The following HAS2 variants were observed in gnomAD, a reference collection of about 807,000 sequenced individuals.
HAS2 encodes hyaluronan synthase 2.
Under a neutral mutation model 51.6 loss-of-function variants are expected in HAS2, and 16 were observed. The ratio of observed to expected loss-of-function variants is 0.31; its 90% confidence interval spans 0.21 to 0.47. HAS2 has a LOEUF of 0.47. HAS2 is among the 20% of genes least tolerant of loss of function. The pLI is 1.00. For missense variants in HAS2, 361 were observed against 662.6 expected (o/e 0.54, Z 5.00); for synonymous variants, 228 against 235.5 (o/e 0.97, Z 0.29).
In HAS2 at chr8:121,614,943, C is replaced by T. The variant is rs752416628; in HGVS notation, c.825G>A (p.Gly275=). The T allele has an allele frequency of 8.1e-6, 13 of 1,613,770 alleles. No individual in the cohort carries two copies. Among genetic ancestry groups the T allele is most frequent in the South Asian group, 1.1e-5 (1 of 91,086 alleles). ...GAGGTCCACTAATGCACTGAACACA[C>T]CCAAAATAAGACTGACAGGCCCTTT... ...NIERACQSYF[G]CVQCISGPLG... The change falls in exon 4 of 4, where the codon GGG becomes GGA. Residue 275 remains glycine, a synonymous_variant. Transcript: ENST00000303924. This position sits in a 1 kb window ranked among gnomAD's most constrained non-coding sequence, Gnocchi z 7.2.
intron 2 of HAS2, among the ~76,000 whole-genome samples, chr8:121,618,412 C>T (rs955558381): frequency 2.0e-5 from 3 of 152,012 alleles, no homozygotes; most frequent in South Asian, 2.1e-4. Context: ...TCCCAAAAGC[C>T]GGGCAGAAAG....
intron 1 of HAS2, among the ~76,000 whole-genome samples, chr8:121,638,124 A>C (rs1246732738): frequency 2.0e-5 from 3 of 152,240 alleles, no homozygotes; most frequent in African/African-American, 7.2e-5. Flanking sequence ...AGTGTTTAAA[A>C]ATTCAAGAAA....
intron 1 of HAS2, among the ~76,000 whole-genome samples, chr8:121,632,763 T>TCA: frequency 1.0e-5 from 1 of 99,576 alleles, no homozygotes; most frequent in African/African-American, 3.5e-5. Flanking sequence ...ATCATCATCA[T>TCA]TATTATAATG....
chr8:121,623,725 T>C (rs779059911), intron 2 of HAS2, among the ~76,000 whole-genome samples: 2 of 152,190 alleles, frequency 1.3e-5, no homozygotes, highest in African/African-American at 2.4e-5. Flanking sequence ...GCCAGGACCA[T>C]AGCAGGTAAA....
At chr8:121,625,464 A>G (rs2130441867) in intron 2 of HAS2, among the ~76,000 whole-genome samples, 2 of 151,890 alleles carry the variant, frequency 1.3e-5, no homozygotes, top group Middle Eastern at 3.4e-3. Context: ...AAATACATTG[A>G]TTCTGAATTT....
chr8:121,621,231 T>C (rs1284600832), intron 2 of HAS2, among the ~76,000 whole-genome samples: 1 of 152,202 alleles, frequency 6.6e-6, no homozygotes, highest in Non-Finnish European at 1.5e-5. Context: ...TTTAGTAGAT[T>C]TTGCAAAAGC....
rs1032754526 is a variant in HAS2, at chr8:121,613,143, G to A, written c.*966C>T. On this transcript the variant is annotated 3_prime_UTR_variant, in exon 4 of 4. Transcript: ENST00000303924. ...AAGATTATTCATCTTTGATACCCAT[G>A]TTTTGTCCAGTGCTGGATGCCTACT... 1.3e-5 allele frequency: 2 copies of A among 152,026 alleles called. No individual in the cohort carries two copies. The highest frequency in any genetic ancestry group is 4.8e-5 in the African/African-American group (2 of 41,406). The allele number at this position is 152,026 out of a possible 1,614,324, so 9.4% of individuals were successfully genotyped here.
intron 1 of HAS2, among the ~76,000 whole-genome samples, chr8:121,636,461 T>G (rs1813010675): frequency 6.6e-6 from 1 of 152,200 alleles, no homozygotes; most frequent in African/African-American, 2.4e-5. Context: ...CCAGTCCCAC[T>G]GCAGTTATCC....
chr8:121,614,552 T>G lies in HAS2; in HGVS notation c.1216A>C (p.Ile406Leu), dbSNP rs1812677395. 1 of 1,614,176 alleles carries G rather than the reference T, an allele frequency of 6.2e-7. No homozygotes were observed. The highest frequency in any genetic ancestry group is 8.5e-7 in the Non-Finnish European group (1 of 1,180,024). The change falls in exon 4 of 4, where the codon ATT becomes CTT. Residue 406 changes from isoleucine to leucine, a missense_variant. Physicochemically the swap from Ile to Leu is conservative, Grantham distance 5. Coordinates refer to ENST00000303924, the MANE Select transcript of HAS2 (RefSeq NM_005328.3). The surrounding 1 kb of genome is among the most constrained non-coding windows in gnomAD (Gnocchi z 7.2). ...QLFYRGKIWN[I>L]LLFLLTVQLV... Reference sequence around the variant, plus strand: ...TGGACAGTTAACAAGAAGAGGAGAATGTTCCAAATTTTACCCCGGTAGAAG... The same window carrying G: ...TGGACAGTTAACAAGAAGAGGAGAAGGTTCCAAATTTTACCCCGGTAGAAG...
intron 1 of HAS2, among the ~76,000 whole-genome samples, chr8:121,634,163 G>A (rs994207114): frequency 5.9e-5 from 9 of 151,924 alleles, no homozygotes; most frequent in African/African-American, 1.9e-4. Flanking sequence ...ACCTGGTCTC[G>A]AACTCCTGAC....
chr8:121,639,130 C>T (rs73708504), intron 1 of HAS2, among the ~76,000 whole-genome samples: 1,661 of 152,292 alleles, frequency 0.011, 25 homozygotes, highest in South Asian at 0.034. Flanking sequence ...TCTTAACAAG[C>T]GGCCTCACTC....
chr8:121,622,936 G>A (rs1036310100), intron 2 of HAS2, among the ~76,000 whole-genome samples: 1 of 151,288 alleles, frequency 6.6e-6, no homozygotes, highest in Admixed American at 6.6e-5. Context: ...AAATTAATGA[G>A]TAAAACCATT....
chr8:121,634,646 T>A (rs1202631729), intron 1 of HAS2, among the ~76,000 whole-genome samples: 2 of 151,914 alleles, frequency 1.3e-5, no homozygotes, highest in African/African-American at 4.8e-5. Context: ...ACTCAGGCAG[T>A]CAATGTAGAC....
At chr8:121,615,842 C>A (rs924905223) in intron 3 of HAS2, among the ~76,000 whole-genome samples, 2 of 152,068 alleles carry the variant, frequency 1.3e-5, no homozygotes, top group Non-Finnish European at 2.9e-5. Flanking sequence ...GGCCTTCCTG[C>A]AAATTTGAAT....
chr8:121,612,323 C>T lies in HAS2; in HGVS notation c.*1786G>A, dbSNP rs904027788. The T allele has an allele frequency of 6.6e-6, 1 of 152,020 alleles. No homozygotes were observed. The highest frequency in any genetic ancestry group is 2.4e-5 in the African/African-American group (1 of 41,398). 9.4% of individuals were successfully genotyped at this position (152,020 alleles called of 1,614,324 possible). On this transcript the variant is annotated 3_prime_UTR_variant, in exon 4 of 4. Transcript: ENST00000303924. ...CTCAAGTTTTCATCTCATTTATTGG[C>T]ATGGTGTGTTTTGTTTTCCACAAGC...
At chr8:121,620,140 C>T (rs1812754916) in intron 2 of HAS2, among the ~76,000 whole-genome samples, 1 of 152,122 alleles carries the variant, frequency 6.6e-6, no homozygotes, top group Non-Finnish European at 1.5e-5. Context: ...TGGGATTTAA[C>T]AGCTTTAAAA....
intron 1 of HAS2, among the ~76,000 whole-genome samples, chr8:121,637,951 T>C (rs1038568312): frequency 1.3e-5 from 2 of 152,172 alleles, no homozygotes; most frequent in Non-Finnish European, 2.9e-5. Flanking sequence ...TCACACTTCA[T>C]ACAAGAGCCA....
rs1812897558 is a variant in HAS2 at position 121,629,257 on chromosome 8, A to G, written c.84T>C (p.Ala28=). ...FGVSLLLGIT[A]AYIVGYQFIQ... is the part of the protein sequence containing the mutation. ...TAAACTGGTAGCCAACAATATAAGC[A>G]GCTGTGATTCCAAGGAGGAGAGAGA... The change falls in exon 2 of 4, where the codon GCT becomes GCC. Residue 28 remains alanine, a synonymous_variant. Transcript: ENST00000303924. The G allele has an allele frequency of 6.2e-7, 1 of 1,613,504 alleles. No individual in the cohort carries two copies. The highest frequency in any genetic ancestry group is 1.7e-5 in the Admixed American group (1 of 59,990).
intron 2 of HAS2, among the ~76,000 whole-genome samples, chr8:121,627,950 C>A (rs1047298911): frequency 9.9e-5 from 15 of 152,002 alleles, no homozygotes; most frequent in African/African-American, 3.6e-4. Flanking sequence ...TCACAGGGAC[C>A]CTACTAATGT....
Sources: allele counts gnomAD v4.1 joint callset (sites outside exome capture counted in the v4.1 genomes callset), GRCh38; gene constraint gnomAD v4.1.1; non-coding constraint Gnocchi (gnomAD v3.1); transcripts MANE v1.5; gene names NCBI Gene and HGNC (gene_info 2026-07-23, HGNC 2026-07-21).